Variants in PEX3 observed in about 807,000 individuals in gnomAD.
PEX3 encodes peroxin-3.
PEX3 carries 30 observed loss-of-function variants against 55.8 expected under a neutral mutation model. That is an observed-to-expected ratio of 0.54 (90% CI 0.40 to 0.73). PEX3 has a LOEUF of 0.73. PEX3 is among the 30% of genes least tolerant of loss of function. PEX3 has a pLI of 0.00. For missense variants in PEX3, 351 were observed against 432.8 expected (o/e 0.81, Z 1.68); for synonymous variants, 135 against 148.4 (o/e 0.91, Z 0.66).
chr6:143,480,256 A>C (rs1002388059), intron 10 of PEX3, among the ~76,000 whole-genome samples: 7 of 152,220 alleles, frequency 4.6e-5, no homozygotes, highest in African/African-American at 1.7e-4. Flanking sequence ...GTATAAATCA[A>C]GGTGCTCCAA....
intron 8 of PEX3, among the ~76,000 whole-genome samples, chr6:143,473,136 G>C (rs1420248685): frequency 6.6e-6 from 1 of 152,144 alleles, no homozygotes; most frequent in Non-Finnish European, 1.5e-5. Context: ...TCAGCAGAGA[G>C]GCCCTGTTAG....
chr6:143,461,336 C>T (rs1779915731), intron 2 of PEX3, among the ~76,000 whole-genome samples: 2 of 152,124 alleles, frequency 1.3e-5, no homozygotes. Context: ...TATGCTCCTC[C>T]AGCAAAAGAT....
Position 143,471,309 on chromosome 6 carries a change from A to C in PEX3, c.457-74A>C. The C allele has an allele frequency of 7.9e-7, 1 of 1,258,430 alleles. No homozygotes were observed. The highest frequency in any genetic ancestry group is 1.3e-5 in the South Asian group (1 of 79,032). The allele number at this position is 1,258,430 out of a possible 1,614,324, so 78.0% of individuals were successfully genotyped here. A position where few individuals can be genotyped will look rare whatever the true frequency, so the allele number is the denominator to read the frequency against. On this transcript the variant is annotated intron_variant, in intron 5 of 11. Transcript: ENST00000367591. The surrounding 1 kb of genome is among the most constrained non-coding windows in gnomAD (Gnocchi z 5.4). ...TTCAGATCTTGAAAAATCTCAGCCA[A>C]AGTTTTATTGAAAACATTTCTTATT...
In PEX3 at chr6:143,451,176, T is replaced by C; in HGVS notation, c.73+61T>C. On this transcript the variant is annotated intron_variant, in intron 1 of 11. Transcript: ENST00000367591. The surrounding 1 kb of genome is among the most constrained non-coding windows in gnomAD (Gnocchi z 4.1). Reference sequence around the variant, plus strand: ...GAAGGGGGTGGGAGAGGTGACTTCTTCTAAAATAAGGACAGGCCGGGCGAT... The same window carrying C: ...GAAGGGGGTGGGAGAGGTGACTTCTCCTAAAATAAGGACAGGCCGGGCGAT... 1 of 1,164,142 alleles carries C rather than the reference T, an allele frequency of 8.6e-7. No homozygotes were observed. Among genetic ancestry groups the C allele is most frequent in the Non-Finnish European group, 1.3e-6 (1 of 770,604 alleles). 72.1% of individuals were successfully genotyped at this position (1,164,142 alleles called of 1,614,324 possible). A position where few individuals can be genotyped will look rare whatever the true frequency, so the allele number is the denominator to read the frequency against.
rs1780070018 is a variant in PEX3 at position 143,471,312 on chromosome 6, T to G, written c.457-71T>G. ...AGATCTTGAAAAATCTCAGCCAAAG[T>G]TTTATTGAAAACATTTCTTATTTAC... On this transcript the variant is annotated intron_variant, in intron 5 of 11. Coordinates refer to ENST00000367591, the MANE Select transcript of PEX3 (RefSeq NM_003630.3). The surrounding 1 kb of genome is among the most constrained non-coding windows in gnomAD (Gnocchi z 5.4). The G allele has an allele frequency of 3.1e-6, 4 of 1,271,926 alleles. No individual in the cohort carries two copies. Among genetic ancestry groups the G allele is most frequent in the African/African-American group, 1.5e-5 (1 of 67,974 alleles). The allele number at this position is 1,271,926 out of a possible 1,614,324, so 78.8% of individuals were successfully genotyped here.
At chr6:143,455,359 A>ATTTTTTTTTTTT (rs56788350) in intron 1 of PEX3, among the ~76,000 whole-genome samples, 24 of 71,986 alleles carry the variant, frequency 3.3e-4, no homozygotes, top group Admixed American at 4.2e-4. Flanking sequence ...CGCCCGGCTA[A>ATTTTTTTTTTTT]TTTTTTTTTT....
chr6:143,488,782 T>C lies in PEX3; in HGVS notation c.1039-361T>C, dbSNP rs950746657. On this transcript the variant is annotated intron_variant, in intron 11 of 11. Transcript: ENST00000367591. The surrounding 1 kb of genome is among the most constrained non-coding windows in gnomAD (Gnocchi z 4.9). ...GTATGTTAGATCTTCTAGAAAGTAA[T>C]ACACCCTTAACCGTGTTATGTCAGC... Among the ~76,000 whole-genome samples the C allele has an allele frequency of 6.6e-6, 1 of 152,126 alleles. No individual in the cohort carries two copies. The highest frequency in any genetic ancestry group is 1.9e-4 in the East Asian group (1 of 5,206).
At chr6:143,452,543 G>C (rs1779790647) in intron 1 of PEX3, among the ~76,000 whole-genome samples, 1 of 152,022 alleles carries the variant, frequency 6.6e-6, no homozygotes, top group Non-Finnish European at 1.5e-5. Context: ...ATAATCACAG[G>C]GGAAGCAAAA....
At chr6:143,468,806 CCCCCCCCCACCCCACGACAGG>C (rs1780027858) in intron 4 of PEX3, among the ~76,000 whole-genome samples, 2 of 14,046 alleles carry the variant, frequency 1.4e-4, no homozygotes, top group Non-Finnish European at 3.3e-4. Context: ...TGCTATCCCC[CCCCCCCCCACCCCACGACAGG>C]CCCCAGTGTC....
chr6:143,452,152 T>C (rs760293674), intron 1 of PEX3, among the ~76,000 whole-genome samples: 27 of 152,208 alleles, frequency 1.8e-4, no homozygotes, highest in Non-Finnish European at 2.9e-4. Flanking sequence ...TTAATACCTT[T>C]AGCATCAATA....
At chr6:143,470,011 G>A (rs533537220) in intron 4 of PEX3, among the ~76,000 whole-genome samples, 117 of 152,162 alleles carry the variant, frequency 7.7e-4, no homozygotes, top group Admixed American at 2.6e-3. Context: ...GTGCAGTGGT[G>A]CAATCTTGGC....
intron 3 of PEX3, 44 bp from the exon 4 acceptor site, chr6:143,468,078 T>G: frequency 9.9e-7 from 1 of 1,013,982 alleles, no homozygotes; most frequent in Non-Finnish European, 1.5e-6. Context: ...TTCTATTAGA[T>G]TATCTAGATT....
chr6:143,473,634 G>A (rs1056538463), intron 8 of PEX3, among the ~76,000 whole-genome samples: 3 of 152,074 alleles, frequency 2.0e-5, no homozygotes, highest in Admixed American at 6.6e-5. Context: ...GGAGGTTGAC[G>A]GGGAGGATCA....
At chr6:143,461,064 A>G (rs1201878071) in intron 2 of PEX3, among the ~76,000 whole-genome samples, 1 of 152,146 alleles carries the variant, frequency 6.6e-6, no homozygotes, top group Non-Finnish European at 1.5e-5. Flanking sequence ...CGAAGCATTT[A>G]GGCCACAGTG....
chr6:143,466,277 G>A lies in PEX3; in HGVS notation c.288-1845G>A, dbSNP rs769122914. Among the ~76,000 whole-genome samples the A allele has an allele frequency of 2.6e-5, 4 of 152,080 alleles. No individual in the cohort carries two copies. Among genetic ancestry groups the A allele is most frequent in the Admixed American group, 2.6e-4 (4 of 15,274 alleles). On this transcript the variant is annotated intron_variant, in intron 3 of 11. Transcript: ENST00000367591. This position sits in a 1 kb window ranked among gnomAD's most constrained non-coding sequence, Gnocchi z 5.4. ...GAAATAAACAATTCCTAAGCTTTCA[G>A]TTGTGTGCCATTGTGAATAACATGA... is the stretch of plus-strand genomic sequence containing the variant.
rs986528817 is a variant in PEX3 at position 143,490,087 on chromosome 6, G to C, written c.*861G>C. ...ATTTTTGTTATTATTTCGGAAGAGA[G>C]AGCATGCTAGTTTAAGTTTCATTTT... On this transcript the variant is annotated 3_prime_UTR_variant, in exon 12 of 12. Coordinates refer to ENST00000367591, the MANE Select transcript of PEX3 (RefSeq NM_003630.3). The surrounding 1 kb of genome is among the most constrained non-coding windows in gnomAD (Gnocchi z 6.0). The C allele has an allele frequency of 1.3e-5, 2 of 152,130 alleles. No homozygotes were observed. Among genetic ancestry groups the C allele is most frequent in the African/African-American group, 2.4e-5 (1 of 41,440 alleles). 9.4% of individuals were successfully genotyped at this position (152,130 alleles called of 1,614,324 possible). A position where few individuals can be genotyped will look rare whatever the true frequency, so the allele number is the denominator to read the frequency against.
In PEX3 at chr6:143,466,802, G is replaced by A. The variant is rs564343916; in HGVS notation, c.288-1320G>A. ...ATATATACATATTCACTTATATAAA[G>A]CAAAACAATGGAAAGTTTAAGCATT... On this transcript the variant is annotated intron_variant, in intron 3 of 11. Transcript: ENST00000367591. This position sits in a 1 kb window ranked among gnomAD's most constrained non-coding sequence, Gnocchi z 5.4. Among the ~76,000 whole-genome samples, 2 of 151,920 alleles carry A rather than the reference G, an allele frequency of 1.3e-5. No individual in the cohort carries two copies. Among genetic ancestry groups the A allele is most frequent in the South Asian group, 4.1e-4 (2 of 4,820 alleles).
rs1780028296 is a variant in PEX3, at chr6:143,468,807, C to CCCCT, written c.331+645_331+646insTCCC. Among the ~76,000 whole-genome samples, 27 of 97,730 alleles carry CCCCT rather than the reference C, an allele frequency of 2.8e-4. 1 individual carries two copies. The highest frequency in any genetic ancestry group is 1.2e-3 in the South Asian group (2 of 1,706). 64.1% of individuals were successfully genotyped at this position (97,730 alleles called of 152,430 possible). ...GGTATATCTCCTAATGCTATCCCCC[C>CCCCT]CCCCCCCACCCCACGACAGGCCCCA... On this transcript the variant is annotated intron_variant, in intron 4 of 11. Transcript: ENST00000367591.
At chr6:143,472,101 G>A (rs1350427849) in intron 7 of PEX3, 59 bp from the exon 8 acceptor site, 13 of 1,101,864 alleles carry the variant, frequency 1.2e-5, no homozygotes, top group Non-Finnish European at 1.7e-5. Context: ...AGAAAAGAGT[G>A]TATATAGGAT....
Sources: gnomAD v4.1 joint callset for allele counts (sites outside exome capture counted in the v4.1 genomes callset) on GRCh38, gnomAD v4.1.1 for gene constraint, Gnocchi (gnomAD v3.1) non-coding constraint, MANE v1.5 for transcripts, NCBI Gene and HGNC (gene_info 2026-07-23, HGNC 2026-07-21) for gene names.